NPNT: variants seen among roughly 807,000 people sequenced by gnomAD.
The protein encoded by NPNT is preosteoblast EGF-like repeat protein with MAM domain.
In NPNT, 45 loss-of-function variants were observed where a neutral mutation model predicts 68.6. That is an observed-to-expected ratio of 0.66 (90% CI 0.52 to 0.84). NPNT has a LOEUF of 0.84. NPNT is among the 40% of genes least tolerant of loss of function. The pLI is 0.00. For synonymous variants in NPNT, 233 were observed against 253.3 expected, an observed-to-expected ratio of 0.92 and a Z score of 0.76; for missense variants, 672 against 714.8, an observed-to-expected ratio of 0.94 and a Z score of 0.68.
intron 4 of NPNT, 41 bp downstream of exon 4, chr4:105,937,169 T>C (rs781219538): frequency 6.2e-7 from 1 of 1,605,614 alleles, no homozygotes; most frequent in Non-Finnish European, 8.5e-7. Flanking sequence ...TGCTTTGGGC[T>C]TGTTTCTGTT....
At chr4:105,941,253 A>G (rs1729928098) in intron 7 of NPNT, among the ~76,000 whole-genome samples, 1 of 152,104 alleles carries the variant, frequency 6.6e-6, no homozygotes, top group Non-Finnish European at 1.5e-5. Context: ...AGGTGCTAGG[A>G]TCACTTGAGC....
At chr4:105,909,299 T>C (rs1325000677) in intron 2 of NPNT, among the ~76,000 whole-genome samples, 1 of 152,154 alleles carries the variant, frequency 6.6e-6, no homozygotes, top group Admixed American at 6.5e-5. Context: ...GGTTTCAGGG[T>C]CCCTTGTCTC....
intron 2 of NPNT, among the ~76,000 whole-genome samples, chr4:105,910,971 G>C (rs1286002953): frequency 2.6e-5 from 4 of 151,954 alleles, no homozygotes; most frequent in African/African-American, 7.2e-5. Context: ...TGATAAATTT[G>C]ATGACTCAAA....
chr4:105,944,696 A>G (rs1188405804), intron 8 of NPNT, among the ~76,000 whole-genome samples: 1 of 152,250 alleles, frequency 6.6e-6, no homozygotes. Context: ...AGGCTGTTGC[A>G]TGCCACAGAT....
Position 105,898,328 on chromosome 4 carries a change from G to GTCTCTCTCTCTCTCTCTCTCTC in NPNT, c.172+358_172+379dup, listed in dbSNP as rs66945682. Among the ~76,000 whole-genome samples, 157 of 53,968 alleles carry GTCTCTCTCTCTCTCTCTCTCTC rather than the reference G, an allele frequency of 2.9e-3. 21 individuals are homozygous for GTCTCTCTCTCTCTCTCTCTCTC. Among genetic ancestry groups the GTCTCTCTCTCTCTCTCTCTCTC allele is most frequent in the Non-Finnish European group, 3.7e-3 (105 of 28,300 alleles). The allele number at this position is 53,968 out of a possible 152,430, so 35.4% of individuals were successfully genotyped here. A position where few individuals can be genotyped will look rare whatever the true frequency, so the allele number is the denominator to read the frequency against. On this transcript the variant is annotated intron_variant, in intron 2 of 11. Transcript: ENST00000379987. ...TCTCTCTCTGTCTCTCTCTCTCTCT[G>GTCTCTCTCTCTCTCTCTCTCTC]TCTCTCTCTCTCTCTCTCTCTCTCT...
chr4:105,906,465 A>G (rs1390155203), intron 2 of NPNT, among the ~76,000 whole-genome samples: 2 of 151,534 alleles, frequency 1.3e-5, no homozygotes, highest in East Asian at 1.9e-4. Context: ...TGTTCTATAC[A>G]TAGTTTAAGA....
At chr4:105,900,242 A>G (rs756569346) in intron 2 of NPNT, among the ~76,000 whole-genome samples, 2 of 152,148 alleles carry the variant, frequency 1.3e-5, no homozygotes, top group Non-Finnish European at 2.9e-5. Flanking sequence ...TTCACTTTGG[A>G]ATTTTCCTTC....
In NPNT at chr4:105,942,417, A is replaced by G; in HGVS notation, c.874A>G (p.Ser292Gly). 1.2e-6 allele frequency: 2 copies of G among 1,613,938 alleles called. No homozygotes were observed. The highest frequency in any genetic ancestry group is 1.7e-6 in the Non-Finnish European group (2 of 1,179,930). ...GNNNWIPDVG[S>G]TWWPPKTPYI... ...TAATAATTGGATTCCTGATGTTGGA[A>G]GTACTTGGTGGCCTCCGAAGACACC... The change falls in exon 8 of 12, where the codon AGT (serine) becomes GGT (glycine). Residue 292 changes from serine to glycine, a missense_variant. Transcript: ENST00000379987.
chr4:105,934,092 C>CT (rs1729333422), intron 3 of NPNT, among the ~76,000 whole-genome samples: 1 of 151,984 alleles, frequency 6.6e-6, no homozygotes, highest in South Asian at 2.1e-4. Context: ...TTTCTAGGTT[C>CT]TTTTATCAAC....
At chr4:105,907,789 G>A (rs192186514) in intron 2 of NPNT, among the ~76,000 whole-genome samples, 1 of 152,152 alleles carries the variant, frequency 6.6e-6, no homozygotes, top group Non-Finnish European at 1.5e-5. Flanking sequence ...TTTTTATTTT[G>A]ATTCACTAAA....
chr4:105,910,803 A>G (rs979742913), intron 2 of NPNT, among the ~76,000 whole-genome samples: 2 of 152,172 alleles, frequency 1.3e-5, no homozygotes, highest in Non-Finnish European at 2.9e-5. Context: ...CCAAGTAGGA[A>G]AAATATGACC....
intron 8 of NPNT, 59 bp from the exon 9 acceptor site, chr4:105,958,412 C>G (rs1015563437): frequency 1.0e-6 from 1 of 959,744 alleles, no homozygotes; most frequent in Non-Finnish European, 1.6e-6. Context: ...AAGGTAATGC[C>G]TCTTTATCAA....
At chr4:105,920,518 G>C (rs1728184332) in intron 2 of NPNT, among the ~76,000 whole-genome samples, 1 of 150,096 alleles carries the variant, frequency 6.7e-6, no homozygotes, top group African/African-American at 2.5e-5. Context: ...AAAACAGAAA[G>C]AGAAAGTTAA....
rs1352318669 is a variant in NPNT at position 105,967,267 on chromosome 4, C to G, written c.1425C>G (p.Leu475=). The change falls in exon 11 of 12, where the codon CTC becomes CTG. Residue 475 remains leucine, a synonymous_variant. Transcript: ENST00000379987. The stretch of plus-strand genomic sequence containing the variant: ...GCTTGGTGCTACCTCTCGGCCGCCT[C>G]ATGCATTCAGGGGACCTGTGCCTGT... ...AARLVLPLGR[L]MHSGDLCLSF... is the part of the protein sequence containing the mutation. The G allele has an allele frequency of 3.7e-6, 6 of 1,613,916 alleles. No individual in the cohort carries two copies. The highest frequency in any genetic ancestry group is 5.1e-6 in the Non-Finnish European group (6 of 1,179,994).
At chr4:105,908,926 A>G (rs1727135535) in intron 2 of NPNT, among the ~76,000 whole-genome samples, 1 of 152,198 alleles carries the variant, frequency 6.6e-6, no homozygotes, top group Non-Finnish European at 1.5e-5. Context: ...CTAAGTGGTC[A>G]AAGGTGTGTG....
chr4:105,948,563 A>G (rs1730563090), intron 8 of NPNT, among the ~76,000 whole-genome samples: 1 of 152,192 alleles, frequency 6.6e-6, no homozygotes, highest in Non-Finnish European at 1.5e-5. Context: ...TGTTTTGTTT[A>G]TCACTGTAAA....
At chr4:105,958,173 A>G (rs1182651795) in intron 8 of NPNT, among the ~76,000 whole-genome samples, 1 of 152,218 alleles carries the variant, frequency 6.6e-6, no homozygotes, top group South Asian at 2.1e-4. Flanking sequence ...AGTTGGCTAG[A>G]AATTGGTTGC....
intron 8 of NPNT, among the ~76,000 whole-genome samples, chr4:105,950,858 A>G (rs928465878): frequency 2.6e-5 from 4 of 152,192 alleles, no homozygotes; most frequent in African/African-American, 7.2e-5. Flanking sequence ...TCTGGCCTCA[A>G]GCGATCTGCC....
At chr4:105,942,734 TAGGC>T (rs1430266894) in intron 8 of NPNT, 32 bp downstream of exon 8, 1 of 1,555,986 alleles carries the variant, frequency 6.4e-7, no homozygotes, top group Non-Finnish European at 8.7e-7. Context: ...ACATTTTCAA[TAGGC>T]TCTTTATAAT....
Sources: allele counts gnomAD v4.1 joint callset (sites outside exome capture counted in the v4.1 genomes callset), GRCh38; gene constraint gnomAD v4.1.1; transcripts MANE v1.5; gene names NCBI Gene and HGNC (gene_info 2026-07-23, HGNC 2026-07-21).